The following ASTN2 variants were observed in gnomAD, a reference collection of about 807,000 sequenced individuals.
ASTN2 encodes astrotactin 2, also known as astrotactin-2.
Under a neutral mutation model 139.8 loss-of-function variants are expected in ASTN2, and 54 were observed. The observed-to-expected ratio is 0.39, with a 90% CI of 0.31 to 0.48. The LOEUF (loss-of-function observed/expected upper bound fraction) is 0.48. ASTN2 is among the 20% of genes least tolerant of loss of function. ASTN2 has a pLI of 0.95. For synonymous variants in ASTN2, 756 were observed against 719.5 expected (o/e 1.05, Z -0.81); for missense variants, 1,565 against 1,725.1 (o/e 0.91, Z 1.64).
At chr9:116,764,947 A>G (rs1243064627) in intron 13 of ASTN2, among the ~76,000 whole-genome samples, 1 of 152,168 alleles carries the variant, frequency 6.6e-6, no homozygotes, top group African/African-American at 2.4e-5. Flanking sequence ...TTGTATCTGC[A>G]TGTGCCTGCA....
intron 3 of ASTN2, among the ~76,000 whole-genome samples, chr9:117,204,068 C>T (rs1247208268): frequency 2.0e-5 from 3 of 152,164 alleles, no homozygotes; most frequent in African/African-American, 7.2e-5. Context: ...TATTGGAGAT[C>T]CTACAGGGAA....
At chr9:116,580,103 A>G (rs541997730) in intron 19 of ASTN2, among the ~76,000 whole-genome samples, 1 of 152,342 alleles carries the variant, frequency 6.6e-6, no homozygotes, top group Admixed American at 6.5e-5. Flanking sequence ...TACAGGCGTG[A>G]GCCCCCGCAC....
chr9:116,906,448 C>T (rs1018297125), intron 10 of ASTN2, among the ~76,000 whole-genome samples: 1 of 52,102 alleles, frequency 1.9e-5, no homozygotes, highest in Non-Finnish European at 6.7e-5. Flanking sequence ...AACTGAGATT[C>T]CAGCCCCCCC....
chr9:116,983,399 T>C (rs1012959954), intron 7 of ASTN2, among the ~76,000 whole-genome samples: 2 of 152,228 alleles, frequency 1.3e-5, no homozygotes, highest in African/African-American at 4.8e-5. Context: ...AGGAAGGTAC[T>C]GATGCCCTCC....
At chr9:116,906,495 A>T (rs1834165560) in intron 10 of ASTN2, among the ~76,000 whole-genome samples, 1 of 152,082 alleles carries the variant, frequency 6.6e-6, no homozygotes. Context: ...TGGACAGAAG[A>T]CCCTTCTCTC....
intron 16 of ASTN2, among the ~76,000 whole-genome samples, chr9:116,665,732 T>C (rs963173963): frequency 2.0e-5 from 3 of 152,178 alleles, no homozygotes; most frequent in Non-Finnish European, 2.9e-5. Flanking sequence ...GGGAATCACA[T>C]TGGCCTAACA....
chr9:117,109,357 A>AATAAAT (rs201829882), intron 4 of ASTN2, among the ~76,000 whole-genome samples: 15,523 of 105,132 alleles, frequency 0.15, 1,012 homozygotes, highest in Non-Finnish European at 0.24. Flanking sequence ...TAAATAAATA[A>AATAAAT]AAATAAATAA....
chr9:117,045,257 C>CAAA (rs56993648), intron 5 of ASTN2, among the ~76,000 whole-genome samples: 1 of 131,642 alleles, frequency 7.6e-6, no homozygotes, highest in African/African-American at 2.9e-5. Context: ...ATGTAATTAG[C>CAAA]AAAAAAAAAA....
intron 19 of ASTN2, among the ~76,000 whole-genome samples, chr9:116,488,390 C>T (rs1377497769): frequency 6.6e-6 from 1 of 151,970 alleles, no homozygotes; most frequent in Non-Finnish European, 1.5e-5. Context: ...CAGTTTTCTC[C>T]TCTGCATGGT....
intron 12 of ASTN2, among the ~76,000 whole-genome samples, chr9:116,814,053 A>G (rs113287599): frequency 4.9e-4 from 74 of 151,656 alleles, no homozygotes; most frequent in South Asian, 1.0e-3. Context: ...AAAAAAAAAA[A>G]AGAGAGAGAG....
At chr9:116,852,138 A>G (rs1037026892) in intron 11 of ASTN2, among the ~76,000 whole-genome samples, 1 of 152,182 alleles carries the variant, frequency 6.6e-6, no homozygotes, top group African/African-American at 2.4e-5. Flanking sequence ...AAAACCAAGG[A>G]AAGCCAGAAA....
chr9:117,346,854 C>A (rs1173413806), intron 1 of ASTN2, among the ~76,000 whole-genome samples: 5 of 152,058 alleles, frequency 3.3e-5, no homozygotes, highest in Non-Finnish European at 4.4e-5. Flanking sequence ...CCACTGTCTG[C>A]AAAATGGGGG....
At chr9:116,969,486 T>C (rs1169436236) in intron 10 of ASTN2, among the ~76,000 whole-genome samples, 1 of 152,192 alleles carries the variant, frequency 6.6e-6, no homozygotes, top group Non-Finnish European at 1.5e-5. Context: ...CTCATTACTC[T>C]GGCAACACTT....
chr9:117,130,600 TA>T (rs35770011), intron 4 of ASTN2, among the ~76,000 whole-genome samples: 1 of 152,210 alleles, frequency 6.6e-6, no homozygotes, highest in Admixed American at 6.5e-5. Context: ...CTTAATTTTT[TA>T]AAAAGTATAT....
intron 5 of ASTN2, among the ~76,000 whole-genome samples, chr9:117,053,297 T>G (rs1238693877): frequency 6.6e-6 from 1 of 151,906 alleles, no homozygotes; most frequent in African/African-American, 2.4e-5. Context: ...ACATAAAACT[T>G]AAAAACTAGC....
chr9:117,152,229 T>C (rs572476829), intron 3 of ASTN2, among the ~76,000 whole-genome samples: 1 of 152,304 alleles, frequency 6.6e-6, no homozygotes, highest in African/African-American at 2.4e-5. Context: ...ATTATTGTTA[T>C]CCGGCTTAAC....
intron 12 of ASTN2, among the ~76,000 whole-genome samples, chr9:116,820,140 C>T (rs1348693252): frequency 2.0e-5 from 3 of 152,214 alleles, no homozygotes; most frequent in Admixed American, 6.5e-5. Context: ...CAGATACGGA[C>T]ATTAGGACAC....
In ASTN2 at chr9:116,766,001, T is replaced by A. The variant is rs1015894247; in HGVS notation, c.2397-32478A>T. ...AATAATTTTCTCTTTCAATACTGAG[T>A]GAAAAGGGGGCTACTATTACCTGTC... On this transcript the variant is annotated intron_variant, in intron 13 of 22. Coordinates refer to ENST00000313400, the MANE Select transcript of ASTN2 (RefSeq NM_001365068.1). Among the ~76,000 whole-genome samples the A allele has an allele frequency of 1.2e-4, 19 of 152,064 alleles. No individual in the cohort carries two copies. The East Asian group carries it at 3.7e-3, about 29-fold the overall frequency.
intron 11 of ASTN2, among the ~76,000 whole-genome samples, chr9:116,840,088 A>C (rs1317146304): frequency 1.3e-5 from 2 of 148,198 alleles, no homozygotes; most frequent in African/African-American, 5.1e-5. Flanking sequence ...CTTAAGGAGC[A>C]TGCTGCCTTC....
Sources: gnomAD v4.1 joint callset for allele counts (sites outside exome capture counted in the v4.1 genomes callset) on GRCh38, gnomAD v4.1.1 for gene constraint, MANE v1.5 for transcripts, NCBI Gene and HGNC (gene_info 2026-07-23, HGNC 2026-07-21) for gene names.